MINDY4: variants seen among roughly 807,000 people sequenced by gnomAD.
MINDY4 encodes the protein probable ubiquitin carboxyl-terminal hydrolase MINDY-4.
MINDY4 carries 68 observed loss-of-function variants against 87.0 expected under a neutral mutation model. The ratio of observed to expected loss-of-function variants is 0.78; its 90% CI spans 0.64 to 0.96. MINDY4 has a LOEUF of 0.96. Ranked by LOEUF, MINDY4 falls within the 40% of genes least tolerant of loss-of-function variation. The pLI is 0.00. For missense variants in MINDY4, 919 were observed against 928.2 expected (o/e 0.99, Z 0.13); for synonymous variants, 379 against 363.2 (o/e 1.04, Z -0.50).
chr7:30,827,363 T>A (rs137973346), intron 5 of MINDY4, among the ~76,000 whole-genome samples: 1 of 152,262 alleles, frequency 6.6e-6, no homozygotes, highest in East Asian at 1.9e-4. Context: ...CAGCCCTTTG[T>A]TGCAGAGCAG....
chr7:30,871,492 C>T (rs1052423736), intron 13 of MINDY4, among the ~76,000 whole-genome samples: 1 of 152,198 alleles, frequency 6.6e-6, no homozygotes, highest in Non-Finnish European at 1.5e-5. Context: ...TTCTGCCTCA[C>T]GTGTGGCACA....
chr7:30,840,978 T>C (rs2128567440), intron 9 of MINDY4, 130 bp downstream of exon 9: 1 of 786,728 alleles, frequency 1.3e-6, no homozygotes, highest in South Asian at 1.8e-5. Flanking sequence ...AAAGGAGAGG[T>C]TAATGGCAGC....
Position 30,778,333 on chromosome 7 carries a change from A to G in MINDY4, c.64-99A>G, listed in dbSNP as rs932458682. 16 of 1,481,692 alleles carry G rather than the reference A, an allele frequency of 1.1e-5. No individual in the cohort carries two copies. The East Asian group carries it at 1.4e-4, about 13-fold the overall frequency. The allele number at this position is 1,481,692 out of a possible 1,614,324, so 91.8% of individuals were successfully genotyped here. A position where few individuals can be genotyped will look rare whatever the true frequency, so the allele number is the denominator to read the frequency against. On this transcript the variant is annotated intron_variant, in intron 1 of 17. Coordinates refer to ENST00000265299, the MANE Select transcript of MINDY4 (RefSeq NM_032222.3). ...TGTCAAGTGTAAAGGTTATATGAGA[A>G]TTATCTTGGTGAACATCAGGAATCG...
chr7:30,848,266 C>T (rs1187792518), intron 9 of MINDY4, among the ~76,000 whole-genome samples: 1 of 152,138 alleles, frequency 6.6e-6, no homozygotes, highest in Non-Finnish European at 1.5e-5. Context: ...GAAGACACGC[C>T]CCCACCCCCA....
intron 5 of MINDY4, among the ~76,000 whole-genome samples, chr7:30,809,295 G>A (rs1012692483): frequency 2.7e-4 from 39 of 145,680 alleles, no homozygotes; most frequent in Admixed American, 2.7e-3. Context: ...CAACTGCTTA[G>A]CTAACAGAAA....
intron 15 of MINDY4, among the ~76,000 whole-genome samples, chr7:30,877,163 G>A (rs1310584421): frequency 6.6e-6 from 1 of 152,150 alleles, no homozygotes; most frequent in Non-Finnish European, 1.5e-5. Context: ...AAGCACCAGG[G>A]CTCTCGAGCA....
intron 9 of MINDY4, among the ~76,000 whole-genome samples, chr7:30,848,279 C>G (rs75796975): frequency 0.029 from 4,445 of 152,298 alleles, 114 homozygotes; most frequent in East Asian, 0.11. Flanking sequence ...CACCCCCACC[C>G]CATGTGTATG....
At chr7:30,786,736 C>T (rs1449747668) in intron 4 of MINDY4, 2 of 75,302 alleles carry the variant, frequency 2.7e-5, no homozygotes, top group Non-Finnish European at 6.3e-5. Flanking sequence ...ATTTATTCTG[C>T]TTTTATTTTT....
At chr7:30,856,572 G>A (rs975268908) in intron 12 of MINDY4, among the ~76,000 whole-genome samples, 4 of 151,982 alleles carry the variant, frequency 2.6e-5, no homozygotes, top group East Asian at 1.9e-4. Flanking sequence ...GTAGGTAGGC[G>A]TTACAGGCAT....
chr7:30,862,630 A>G (rs1789800826), intron 13 of MINDY4, among the ~76,000 whole-genome samples: 2 of 152,208 alleles, frequency 1.3e-5, no homozygotes, highest in South Asian at 2.1e-4. Flanking sequence ...CTCTACAGAC[A>G]TTTGGACACT....
At chr7:30,866,119 C>T (rs1789926845) in intron 13 of MINDY4, among the ~76,000 whole-genome samples, 2 of 152,186 alleles carry the variant, frequency 1.3e-5, no homozygotes, top group Admixed American at 1.3e-4. Context: ...AGCCTGAGAG[C>T]TGGGTGGGAG....
At chr7:30,879,994 G>A (rs1220089738) in intron 15 of MINDY4, among the ~76,000 whole-genome samples, 2 of 152,250 alleles carry the variant, frequency 1.3e-5, no homozygotes, top group Non-Finnish European at 2.9e-5. Flanking sequence ...CAGTGGAAAT[G>A]TGTGGGTTTG....
At chr7:30,792,029 A>G (rs1787340389) in intron 5 of MINDY4, among the ~76,000 whole-genome samples, 1 of 152,248 alleles carries the variant, frequency 6.6e-6, no homozygotes, top group Non-Finnish European at 1.5e-5. Context: ...ACCTGCAGCA[A>G]CATGGCCAGG....
chr7:30,821,695 G>T (rs888585143), intron 5 of MINDY4, among the ~76,000 whole-genome samples: 4 of 151,994 alleles, frequency 2.6e-5, no homozygotes, highest in African/African-American at 9.7e-5. Context: ...TCTTTTATAT[G>T]TATGTTGGAC....
intron 5 of MINDY4, among the ~76,000 whole-genome samples, chr7:30,793,728 A>G (rs1222227059): frequency 6.6e-6 from 1 of 152,172 alleles, no homozygotes; most frequent in East Asian, 1.9e-4. Context: ...TGCCCGTGGA[A>G]GAGCAGCCCA....
chr7:30,884,686 A>G (rs1263222544), intron 17 of MINDY4, among the ~76,000 whole-genome samples: 1 of 152,092 alleles, frequency 6.6e-6, no homozygotes, highest in Non-Finnish European at 1.5e-5. Flanking sequence ...AAACCTCTCC[A>G]CTGCCTCTTC....
intron 17 of MINDY4, among the ~76,000 whole-genome samples, chr7:30,889,305 C>G (rs768533866): frequency 6.6e-6 from 1 of 152,152 alleles, no homozygotes; most frequent in Non-Finnish European, 1.5e-5. Context: ...TGCTTTTAAC[C>G]CAGCAGATGT....
At chr7:30,843,277 G>A (rs1789097762) in intron 9 of MINDY4, among the ~76,000 whole-genome samples, 1 of 152,254 alleles carries the variant, frequency 6.6e-6, no homozygotes, top group African/African-American at 2.4e-5. Context: ...GGCAGTGAGA[G>A]GAGTGGAGGA....
At chr7:30,827,394 G>A (rs997323010) in intron 5 of MINDY4, among the ~76,000 whole-genome samples, 1 of 152,138 alleles carries the variant, frequency 6.6e-6, no homozygotes, top group Non-Finnish European at 1.5e-5. Context: ...GAGAAGTGTG[G>A]CTGGAAGAGG....
Sources: gnomAD v4.1 joint callset for allele counts (sites outside exome capture counted in the v4.1 genomes callset) on GRCh38, gnomAD v4.1.1 for gene constraint, MANE v1.5 for transcripts, NCBI Gene and HGNC (gene_info 2026-07-23, HGNC 2026-07-21) for gene names.